Variants in ARHGAP1 observed in about 807,000 individuals in gnomAD.
ARHGAP1 encodes rho GTPase-activating protein 1.
ARHGAP1 carries 23 observed loss-of-function variants against 52.2 expected under a neutral mutation model. The ratio of observed to expected loss-of-function variants is 0.44; its 90% CI spans 0.32 to 0.62. ARHGAP1 has a LOEUF of 0.62. ARHGAP1 is among the 20% of genes least tolerant of loss of function. The probability of loss-of-function intolerance (pLI) is 0.05; values close to 1 mark genes in which losing one functional copy is unlikely to be tolerated. For synonymous variants in ARHGAP1, 210 were observed against 228.4 expected (o/e 0.92, Z 0.73); for missense variants, 480 against 560.9 (o/e 0.86, Z 1.46).
intron 3 of ARHGAP1, among the ~76,000 whole-genome samples, chr11:46,691,298 T>A (rs2064613621): frequency 6.6e-6 from 1 of 152,056 alleles, no homozygotes; most frequent in African/African-American, 2.4e-5. Context: ...TTGTTCTTCT[T>A]TTTTTTCTGA....
At chr11:46,688,598 C>T (rs2064589381) in intron 3 of ARHGAP1, among the ~76,000 whole-genome samples, 1 of 152,058 alleles carries the variant, frequency 6.6e-6, no homozygotes, top group Non-Finnish European at 1.5e-5. Context: ...CCTCCTGCTT[C>T]AGCCTCCCAA....
chr11:46,694,196 A>C (rs2064635203), intron 3 of ARHGAP1, among the ~76,000 whole-genome samples: 1 of 151,846 alleles, frequency 6.6e-6, no homozygotes, highest in Non-Finnish European at 1.5e-5. Flanking sequence ...ACCCTCCCGC[A>C]AGCTCCTTTC....
Position 46,678,899 on chromosome 11 carries a change from C to T in ARHGAP1, c.*138G>A. 2 of 1,006,276 alleles carry T rather than the reference C, an allele frequency of 2.0e-6. No individual in the cohort carries two copies. The highest frequency in any genetic ancestry group is 2.9e-6 in the Non-Finnish European group (2 of 697,028). 62.3% of individuals were successfully genotyped at this position (1,006,276 alleles called of 1,614,324 possible). A position where few individuals can be genotyped will look rare whatever the true frequency, so the allele number is the denominator to read the frequency against. On this transcript the variant is annotated 3_prime_UTR_variant, in exon 13 of 13. Transcript: ENST00000311956. ...GAGGCCGCCAGGGCCGTGAGGCGGG[C>T]TGGACAGAGGTGGGGGAGAGCATGC...
In ARHGAP1 at chr11:46,680,469, G is replaced by C; in HGVS notation, c.820+18C>G. 4 of 1,612,912 alleles carry C rather than the reference G, an allele frequency of 2.5e-6. No individual in the cohort carries two copies. The highest frequency in any genetic ancestry group is 3.4e-6 in the Non-Finnish European group (4 of 1,179,184). ...AGCCGGGAGACCTGGCTGGTGAGGA[G>C]GCAGGCCCGGCACTCACCGTGGGCC... On this transcript the variant is annotated intron_variant, in intron 9 of 12. Coordinates refer to ENST00000311956, the MANE Select transcript of ARHGAP1 (RefSeq NM_004308.5). The surrounding 1 kb of genome is among the most constrained non-coding windows in gnomAD (Gnocchi z 5.9).
chr11:46,693,713 G>A (rs1016517975), intron 3 of ARHGAP1, among the ~76,000 whole-genome samples: 23 of 152,208 alleles, frequency 1.5e-4, no homozygotes, highest in African/African-American at 3.4e-4. Flanking sequence ...ACCCACAACC[G>A]GACCAGCAGG....
chr11:46,695,737 G>A lies in ARHGAP1; in HGVS notation c.152C>T (p.Ser51Phe). 1 of 1,552,336 alleles carries A rather than the reference G, an allele frequency of 6.4e-7. No individual in the cohort carries two copies. Among genetic ancestry groups the A allele is most frequent in the East Asian group, 2.4e-5 (1 of 40,930 alleles). ...FPKSDDSKSS[S>F]PELVTHLKWD... The stretch of plus-strand genomic sequence containing the variant: ...CTTCAGGTGTGTGACAAGTTCCGGG[G>A]AGCTGCTTTTGGAGTCATCTGAGGA... Residue 51 changes from serine to phenylalanine, a missense_variant, in exon 3 of 13, where the codon TCC becomes TTC. Physicochemically the swap from Ser to Phe is radical, Grantham distance 155. Transcript: ENST00000311956.
At chr11:46,689,805 C>T (rs531945443) in intron 3 of ARHGAP1, among the ~76,000 whole-genome samples, 1 of 152,278 alleles carries the variant, frequency 6.6e-6, no homozygotes, top group East Asian at 1.9e-4. Flanking sequence ...TCCCAAAGCG[C>T]TGGGATTACA....
intron 4 of ARHGAP1, among the ~76,000 whole-genome samples, chr11:46,685,941 T>C (rs545592931): frequency 3.3e-5 from 5 of 151,602 alleles, no homozygotes; most frequent in African/African-American, 1.2e-4. Flanking sequence ...CCCAAAGTGC[T>C]GGGATTACAG....
chr11:46,680,482 C>G lies in ARHGAP1; in HGVS notation c.820+5G>C, dbSNP rs1312628001. 1 of 1,613,676 alleles carries G rather than the reference C, an allele frequency of 6.2e-7. No homozygotes were observed. Among genetic ancestry groups the G allele is most frequent in the Non-Finnish European group, 8.5e-7 (1 of 1,179,824 alleles). On this transcript the variant is annotated splice_donor_5th_base_variant and intron_variant, in intron 9 of 12. Coordinates refer to ENST00000311956, the MANE Select transcript of ARHGAP1 (RefSeq NM_004308.5). The surrounding 1 kb of genome is among the most constrained non-coding windows in gnomAD (Gnocchi z 5.9). The stretch of plus-strand genomic sequence containing the variant: ...GGCTGGTGAGGAGGCAGGCCCGGCA[C>G]TCACCGTGGGCCTGTAAGTAGGCAA...
intron 3 of ARHGAP1, among the ~76,000 whole-genome samples, chr11:46,690,090 G>A (rs919844350): frequency 3.3e-5 from 5 of 152,032 alleles, no homozygotes; most frequent in Non-Finnish European, 5.9e-5. Flanking sequence ...AGAGATGGGG[G>A]TCTCGGCCAG....
In ARHGAP1 at chr11:46,679,075, C is replaced by T. The variant is rs757581559; in HGVS notation, c.1282G>A (p.Gly428Arg). 1.2e-6 allele frequency: 2 copies of T among 1,614,196 alleles called. No individual in the cohort carries two copies. The highest frequency in any genetic ancestry group is 2.2e-5 in the South Asian group (2 of 91,078). The change falls in exon 13 of 13, where the codon GGG (glycine) becomes AGG (arginine). Residue 428 changes from glycine (G) to arginine (R), a missense_variant. Gly to Arg is a moderately radical substitution (Grantham distance 125). Transcript: ENST00000311956. This position sits in a 1 kb window ranked among gnomAD's most constrained non-coding sequence, Gnocchi z 4.4. ...GGGTCCGGGCTTGGGAACAGCTCCC[C>T]TTGGTGATCCAGAAGGAACTTGGTG... is the stretch of plus-strand genomic sequence containing the variant. The part of the protein sequence containing the change: ...TFTKFLLDHQ[G>R]ELFPSPDPSG...
intron 1 of ARHGAP1, among the ~76,000 whole-genome samples, chr11:46,699,692 G>T (rs1050863117): frequency 3.3e-5 from 5 of 149,874 alleles, no homozygotes; most frequent in Non-Finnish European, 7.4e-5. Context: ...GACAGAGTGA[G>T]ACTCCGTCTA....
chr11:46,695,137 T>C (rs567106840), intron 3 of ARHGAP1: 6 of 274,242 alleles, frequency 2.2e-5, no homozygotes, highest in African/African-American at 1.3e-4. Context: ...GACAGAGACC[T>C]AAGCGGGGCT....
chr11:46,691,652 A>G lies in ARHGAP1; in HGVS notation c.230-3392T>C, dbSNP rs189627605. Among the ~76,000 whole-genome samples, 872 of 152,020 alleles carry G rather than the reference A, an allele frequency of 5.7e-3. 7 individuals are homozygous for G. Among genetic ancestry groups the G allele is most frequent in the Middle Eastern group, 0.014 (4 of 292 alleles). On this transcript the variant is annotated intron_variant, in intron 3 of 12. Transcript: ENST00000311956. ...TTTTTAGTAGAGACGGGGTTTCACC[A>G]TGTTTGTCAGGCTGGTCTCAAACTC...
Position 46,680,811 on chromosome 11 carries a change from T to C in ARHGAP1, c.636-64A>G. ...CTCTGGAGTCACTCTGCCAATTCAA[T>C]CAAGCATTGACCACGCGGGGTCAGG... is the stretch of plus-strand genomic sequence containing the variant. On this transcript the variant is annotated intron_variant, in intron 7 of 12. Transcript: ENST00000311956. The surrounding 1 kb of genome is among the most constrained non-coding windows in gnomAD (Gnocchi z 5.9). 1 of 1,313,596 alleles carries C rather than the reference T, an allele frequency of 7.6e-7. No individual in the cohort carries two copies. The highest frequency in any genetic ancestry group is 1.0e-6 in the Non-Finnish European group (1 of 957,928). 81.4% of individuals were successfully genotyped at this position (1,313,596 alleles called of 1,614,324 possible). A position where few individuals can be genotyped will look rare whatever the true frequency, so the allele number is the denominator to read the frequency against.
chr11:46,679,491 T>A lies in ARHGAP1; in HGVS notation c.1028-23A>T. 2 of 1,612,596 alleles carry A rather than the reference T, an allele frequency of 1.2e-6. No homozygotes were observed. Among genetic ancestry groups the A allele is most frequent in the Non-Finnish European group, 1.7e-6 (2 of 1,178,884 alleles). On this transcript the variant is annotated intron_variant, in intron 11 of 12. Transcript: ENST00000311956. This position sits in a 1 kb window ranked among gnomAD's most constrained non-coding sequence, Gnocchi z 4.4. ...TGTCTATGAGGAAAGGAGGCCCGGG[T>A]TATAGGGGCCCTAGGCTGGGCTGGT...
Position 46,680,168 on chromosome 11 carries a change from C to G in ARHGAP1, c.898+37G>C, listed in dbSNP as rs965435388. The G allele has an allele frequency of 1.9e-6, 3 of 1,602,996 alleles. No individual in the cohort carries two copies. The highest frequency in any genetic ancestry group is 1.7e-6 in the Non-Finnish European group (2 of 1,170,228). ...GGGCAGAGAAGCCCCCTACCAGTAA[C>G]ACACATATGGCCCTGCAACAGCCCA... On this transcript the variant is annotated intron_variant, in intron 10 of 12. Transcript: ENST00000311956. The surrounding 1 kb of genome is among the most constrained non-coding windows in gnomAD (Gnocchi z 5.9).
At position 46,696,031 on chromosome 11, in the gene ARHGAP1, G is replaced by A; in HGVS notation, c.77C>T (p.Ala26Val). The change falls in exon 2 of 13, where the codon GCC becomes GTC. Residue 26 changes from alanine (A) to valine (V), a missense_variant. By Grantham distance (64) the Ala-to-Val change is moderately conservative (BLOSUM62 0). Transcript: ENST00000311956. The surrounding 1 kb of genome is among the most constrained non-coding windows in gnomAD (Gnocchi z 4.8). ...TSEALNQLKL[A>V]SIDEKNWPSD... ...GGGCCAGTTCTTCTCATCGATGGAG[G>A]CCAGCTTCAGCTGGTTCAGAGCCTC... 6.2e-7 allele frequency: 1 copy of A among 1,614,150 alleles called. No homozygotes were observed. The highest frequency in any genetic ancestry group is 8.5e-7 in the Non-Finnish European group (1 of 1,180,010).
intron 1 of ARHGAP1, among the ~76,000 whole-genome samples, chr11:46,699,239 A>G (rs927194956): frequency 6.6e-6 from 1 of 152,198 alleles, no homozygotes; most frequent in Non-Finnish European, 1.5e-5. Context: ...CACCTGATAT[A>G]TAGTAGATGC....
Sources: allele counts gnomAD v4.1 joint callset (sites outside exome capture counted in the v4.1 genomes callset), GRCh38; gene constraint gnomAD v4.1.1; non-coding constraint Gnocchi (gnomAD v3.1); transcripts MANE v1.5; gene names NCBI Gene and HGNC (gene_info 2026-07-23, HGNC 2026-07-21).